The following EEFSEC variants were observed in gnomAD, a reference collection of about 807,000 sequenced individuals.
EEFSEC encodes eukaryotic elongation factor, selenocysteine-tRNA specific, also known as selenocysteine-specific elongation factor.
In EEFSEC, 43 loss-of-function variants were observed where a neutral mutation model predicts 42.1. That is an observed-to-expected ratio of 1.02 (90% CI 0.80 to 1.32). The LOEUF (loss-of-function observed/expected upper bound fraction) is 1.32, where lower values mean the gene tolerates loss of function less well. Ranked by LOEUF, EEFSEC falls within the 40% of genes most tolerant of loss-of-function variation. EEFSEC has a pLI of 0.00. For synonymous variants in EEFSEC, 354 were observed against 339.1 expected (o/e 1.04, Z -0.48); for missense variants, 745 against 803.6 (o/e 0.93, Z 0.88).
intron 6 of EEFSEC, among the ~76,000 whole-genome samples, chr3:128,394,113 G>T (rs1169155727): frequency 6.6e-6 from 1 of 152,228 alleles, no homozygotes; most frequent in African/African-American, 2.4e-5. Flanking sequence ...GGGACAGTGT[G>T]TGGGCACATG....
intron 1 of EEFSEC, among the ~76,000 whole-genome samples, chr3:128,211,584 C>T (rs533981975): frequency 4.0e-5 from 6 of 150,100 alleles, no homozygotes; most frequent in East Asian, 4.0e-4. Flanking sequence ...GGTGTGATCT[C>T]GGCTCACTGC....
intron 1 of EEFSEC, among the ~76,000 whole-genome samples, chr3:128,185,940 T>A (rs1228050050): frequency 6.6e-6 from 1 of 152,212 alleles, no homozygotes; most frequent in East Asian, 1.9e-4. Context: ...ACATTTCTGT[T>A]CTCCTGGGTA....
At chr3:128,362,826 C>T (rs1250546395) in intron 6 of EEFSEC, among the ~76,000 whole-genome samples, 3 of 152,162 alleles carry the variant, frequency 2.0e-5, no homozygotes, top group South Asian at 4.2e-4. Context: ...GCTCACGTGC[C>T]GGGAGCTCAA....
In EEFSEC at chr3:128,372,749, C is replaced by T. The variant is rs186506327; in HGVS notation, c.1600+14376C>T. ...TGGGCACTATTAGTAGGTCGTCACT[C>T]ACCCAATGTCTGACAGACCACACTG... On this transcript the variant is annotated intron_variant, in intron 6 of 6. Coordinates refer to ENST00000254730, the MANE Select transcript of EEFSEC (RefSeq NM_021937.5). Among the ~76,000 whole-genome samples, 296 of 152,356 alleles carry T rather than the reference C, an allele frequency of 1.9e-3. 1 individual carries two copies. The highest frequency in any genetic ancestry group is 3.5e-3 in the Non-Finnish European group (238 of 68,032).
chr3:128,333,380 A>C (rs897880069), intron 4 of EEFSEC, among the ~76,000 whole-genome samples: 2 of 152,232 alleles, frequency 1.3e-5, no homozygotes, highest in Non-Finnish European at 2.9e-5. Flanking sequence ...AGGAGTGCCC[A>C]TGTTAGTGAT....
intron 2 of EEFSEC, among the ~76,000 whole-genome samples, chr3:128,254,574 G>A (rs377210363): frequency 1.6e-4 from 25 of 152,294 alleles, no homozygotes; most frequent in South Asian, 1.0e-3. Context: ...CCTGCCTCAG[G>A]CTGCCATTGC....
At chr3:128,262,340 G>T in intron 3 of EEFSEC, 116 bp downstream of exon 3, 2 of 905,052 alleles carry the variant, frequency 2.2e-6, no homozygotes, top group Non-Finnish European at 3.4e-6. Flanking sequence ...AGAGGACTCA[G>T]TTGGTTCCAT....
the EEFSEC span, among the ~76,000 whole-genome samples, chr3:128,414,110 C>T: frequency 1.1e-4 from 16 of 152,244 alleles, no homozygotes; most frequent in East Asian, 1.9e-4. Flanking sequence ...CTCCCGCCAA[C>T]GTCTAGTTCA....
At chr3:128,367,658 G>A in intron 6 of EEFSEC, 1 of 985,390 alleles carries the variant, frequency 1.0e-6, no homozygotes, top group South Asian at 4.7e-5. Flanking sequence ...ATGGACTTAT[G>A]TCCCCTTCCC....
intron 6 of EEFSEC, among the ~76,000 whole-genome samples, chr3:128,364,549 G>T (rs866854464): frequency 6.6e-6 from 1 of 152,232 alleles, no homozygotes; most frequent in African/African-American, 2.4e-5. Context: ...CATGGGATGG[G>T]GAGTCGGGAA....
intron 1 of EEFSEC, among the ~76,000 whole-genome samples, chr3:128,198,762 G>A (rs1179074599): frequency 6.6e-6 from 1 of 152,124 alleles, no homozygotes; most frequent in African/African-American, 2.4e-5. Flanking sequence ...TGGATGTGGA[G>A]GTGCAGGTCT....
intron 5 of EEFSEC, among the ~76,000 whole-genome samples, chr3:128,354,191 C>T (rs920616022): frequency 2.6e-5 from 4 of 152,186 alleles, no homozygotes; most frequent in African/African-American, 9.7e-5. Flanking sequence ...CTCCTGCCCT[C>T]ACGGTGCCTC....
chr3:128,401,408 C>T (rs922521144), intron 6 of EEFSEC, among the ~76,000 whole-genome samples: 1 of 152,222 alleles, frequency 6.6e-6, no homozygotes, highest in Non-Finnish European at 1.5e-5. Context: ...AGAGGTGCCC[C>T]CTCACAGGCC....
At chr3:128,159,327 A>G (rs1335086220) in intron 1 of EEFSEC, among the ~76,000 whole-genome samples, 3 of 152,184 alleles carry the variant, frequency 2.0e-5, no homozygotes, top group Non-Finnish European at 2.9e-5. Flanking sequence ...ATTTCACCTC[A>G]TGGTCCACAA....
At chr3:128,238,499 T>G (rs1272117244) in intron 1 of EEFSEC, among the ~76,000 whole-genome samples, 1 of 152,168 alleles carries the variant, frequency 6.6e-6, no homozygotes, top group East Asian at 1.9e-4. Flanking sequence ...CAATCCACAG[T>G]GGCTGTTATT....
chr3:128,288,457 G>T (rs980580180), intron 4 of EEFSEC, among the ~76,000 whole-genome samples: 2 of 152,182 alleles, frequency 1.3e-5, no homozygotes, highest in African/African-American at 4.8e-5. Context: ...GCAAATCAGG[G>T]TCTGTTGAGT....
chr3:128,398,621 G>A (rs540266716), intron 6 of EEFSEC, among the ~76,000 whole-genome samples: 1 of 152,234 alleles, frequency 6.6e-6, no homozygotes, highest in Admixed American at 6.5e-5. Context: ...CCTGGGGCAG[G>A]GACCTGCCCC....
At chr3:128,158,792 A>G (rs1027108997) in intron 1 of EEFSEC, among the ~76,000 whole-genome samples, 4 of 152,232 alleles carry the variant, frequency 2.6e-5, no homozygotes, top group African/African-American at 7.2e-5. Context: ...TGAATGCACA[A>G]TATCTTTGAG....
chr3:128,159,397 C>G (rs1468609287), intron 1 of EEFSEC, among the ~76,000 whole-genome samples: 1 of 152,246 alleles, frequency 6.6e-6, no homozygotes, highest in Non-Finnish European at 1.5e-5. Flanking sequence ...CTTATGGCAC[C>G]TGGACTTCTA....
Sources: gnomAD v4.1 joint callset for allele counts (sites outside exome capture counted in the v4.1 genomes callset) on GRCh38, gnomAD v4.1.1 for gene constraint, MANE v1.5 for transcripts, NCBI Gene and HGNC (gene_info 2026-07-23, HGNC 2026-07-21) for gene names.